Variants in ADGB observed in about 807,000 individuals in gnomAD.
The protein encoded by ADGB is androglobin.
ADGB carries 172 observed loss-of-function variants against 210.5 expected under a neutral mutation model. That is an observed-to-expected ratio of 0.82 (90% CI 0.72 to 0.93). ADGB has a LOEUF of 0.93. Among genes scored for constraint, ADGB ranks in the 40% least tolerant of loss-of-function variants. The pLI is 0.00. For synonymous variants in ADGB, 658 were observed against 662.7 expected (o/e 0.99, Z 0.11); for missense variants, 2,025 against 1,964.8 (o/e 1.03, Z -0.58).
At chr6:146,766,689 A>G (rs1777581597) in intron 28 of ADGB, among the ~76,000 whole-genome samples, 1 of 152,136 alleles carries the variant, frequency 6.6e-6, no homozygotes, top group Admixed American at 6.5e-5. Context: ...ATAGACTTTT[A>G]AAAAGTAATT....
At chr6:146,763,715 A>G (rs1175790535) in intron 27 of ADGB, among the ~76,000 whole-genome samples, 186 bp from the exon 28 acceptor site, 2 of 152,196 alleles carry the variant, frequency 1.3e-5, no homozygotes, top group African/African-American at 4.8e-5. Flanking sequence ...TGCTCTGTGC[A>G]TGTCACATAC....
intron 1 of ADGB, among the ~76,000 whole-genome samples, chr6:146,617,181 A>G (rs6570770): frequency 0.68 from 103,184 of 151,790 alleles, 35,062 homozygotes; most frequent in Middle Eastern, 0.7. Context: ...GCATTTATTT[A>G]TAGGTATTTT....
intron 26 of ADGB, among the ~76,000 whole-genome samples, chr6:146,748,496 G>A (rs530717007): frequency 1.3e-5 from 2 of 152,230 alleles, no homozygotes; most frequent in Middle Eastern, 3.4e-3. Flanking sequence ...TGGTTTGCTG[G>A]TAATCTTTGG....
chr6:146,786,907 C>T (rs1181268674), intron 32 of ADGB, among the ~76,000 whole-genome samples: 1 of 152,020 alleles, frequency 6.6e-6, no homozygotes, highest in Non-Finnish European at 1.5e-5. Context: ...TTCCAGGCTA[C>T]TGAAGTAGGA....
At position 146,815,335 on chromosome 6, in the gene ADGB, A is replaced by G; in HGVS notation, c.*118A>G. The G allele has an allele frequency of 1.3e-6, 1 of 787,820 alleles. No individual in the cohort carries two copies. The allele number at this position is 787,820 out of a possible 1,614,324, so 48.8% of individuals were successfully genotyped here. ...GAAAATAGAAATTTCTCTTTCTTAGAAATATTTTAATGCTAACTTGTTAGT... is the reference window on the plus strand; with the variant it reads ...GAAAATAGAAATTTCTCTTTCTTAGGAATATTTTAATGCTAACTTGTTAGT... On this transcript the variant is annotated 3_prime_UTR_variant, in exon 36 of 36. Coordinates refer to ENST00000397944, the MANE Select transcript of ADGB (RefSeq NM_024694.4).
At position 146,718,243 on chromosome 6, in the gene ADGB, A is replaced by T. The variant is rs369432905; in HGVS notation, c.1992+644A>T. On this transcript the variant is annotated intron_variant, in intron 16 of 35. Transcript: ENST00000397944. ...GCGCCTGTAATCTCAGCTACTCAGG[A>T]GGCTGAGGCAGGAGAATCGCTTGAA... Among the ~76,000 whole-genome samples, 18 of 148,296 alleles carry T rather than the reference A, an allele frequency of 1.2e-4. No individual in the cohort carries two copies. The East Asian group carries it at 1.9e-3, about 15-fold the overall frequency.
chr6:146,784,591 A>G, intron 30 of ADGB, 27 bp from the exon 31 acceptor site: 4 of 1,477,162 alleles, frequency 2.7e-6, no homozygotes, highest in Non-Finnish European at 3.6e-6. Context: ...GAAAGCATGC[A>G]AAACCCAAAG....
chr6:146,739,001 C>T (rs1777123723), intron 23 of ADGB, among the ~76,000 whole-genome samples: 1 of 152,236 alleles, frequency 6.6e-6, no homozygotes, highest in Non-Finnish European at 1.5e-5. Context: ...TCTTCCAACT[C>T]AGTCAGGTAT....
chr6:146,633,632 A>G (rs1026337884), intron 1 of ADGB, among the ~76,000 whole-genome samples: 1 of 152,100 alleles, frequency 6.6e-6, no homozygotes, highest in Non-Finnish European at 1.5e-5. Flanking sequence ...GGATAGTCAC[A>G]TAGCTTGATC....
intron 13 of ADGB, among the ~76,000 whole-genome samples, chr6:146,712,351 A>ATT (rs111245431): frequency 1.3e-4 from 20 of 151,522 alleles, no homozygotes; most frequent in African/African-American, 4.8e-4. Flanking sequence ...CACCAGGCTA[A>ATT]TTTTTTTGTA....
chr6:146,779,449 C>T (rs1458303185), intron 29 of ADGB, among the ~76,000 whole-genome samples: 4 of 152,094 alleles, frequency 2.6e-5, no homozygotes, highest in Non-Finnish European at 4.4e-5. Flanking sequence ...TGATGAGAAA[C>T]ATTAACTGGC....
At chr6:146,671,791 G>A (rs545652290) in intron 7 of ADGB, among the ~76,000 whole-genome samples, 1 of 152,274 alleles carries the variant, frequency 6.6e-6, no homozygotes, top group Admixed American at 6.5e-5. Context: ...TGTTATGGAA[G>A]CCTCAGGGAA....
At chr6:146,650,448 G>C (rs898640587) in intron 3 of ADGB, among the ~76,000 whole-genome samples, 2 of 151,238 alleles carry the variant, frequency 1.3e-5, no homozygotes, top group African/African-American at 4.9e-5. Context: ...TTTTTTATTG[G>C]AATTTGCCCA....
At chr6:146,697,971 T>C (rs1480902737) in intron 12 of ADGB, among the ~76,000 whole-genome samples, 2 of 152,172 alleles carry the variant, frequency 1.3e-5, no homozygotes, top group African/African-American at 2.4e-5. Flanking sequence ...CAAAGAAGTC[T>C]GGTACACAAA....
intron 9 of ADGB, among the ~76,000 whole-genome samples, chr6:146,683,770 A>T (rs1776188334): frequency 6.6e-6 from 1 of 152,102 alleles, no homozygotes; most frequent in South Asian, 2.1e-4. Context: ...AAATACTTGT[A>T]TCACAAACTT....
intron 33 of ADGB, among the ~76,000 whole-genome samples, chr6:146,793,765 C>A (rs768076741): frequency 1.3e-5 from 2 of 152,150 alleles, no homozygotes; most frequent in African/African-American, 2.4e-5. Flanking sequence ...AAGCCTTTTC[C>A]TGTAAATGCC....
intron 34 of ADGB, among the ~76,000 whole-genome samples, chr6:146,801,534 GAAAAC>G (rs1313372147): frequency 4.6e-5 from 7 of 152,060 alleles, no homozygotes; most frequent in Non-Finnish European, 8.8e-5. Flanking sequence ...AAATTCAAAG[GAAAAC>G]CTACAAGATA....
At chr6:146,649,334 A>T (rs1451034068) in intron 3 of ADGB, among the ~76,000 whole-genome samples, 1 of 152,186 alleles carries the variant, frequency 6.6e-6, no homozygotes, top group East Asian at 1.9e-4. Context: ...AAAGTCACAC[A>T]AAGATTATTT....
chr6:146,697,202 G>A (rs1452904461), intron 12 of ADGB, among the ~76,000 whole-genome samples: 1 of 152,168 alleles, frequency 6.6e-6, no homozygotes, highest in Non-Finnish European at 1.5e-5. Flanking sequence ...AGCTGGGTCT[G>A]AAGTTTTTAT....
Sources: gnomAD v4.1 joint callset for allele counts (sites outside exome capture counted in the v4.1 genomes callset) on GRCh38, gnomAD v4.1.1 for gene constraint, MANE v1.5 for transcripts, NCBI Gene and HGNC (gene_info 2026-07-23, HGNC 2026-07-21) for gene names.